OTC: variants seen among roughly 807,000 people sequenced by gnomAD.
The protein encoded by OTC is ornithine transcarbamylase, mitochondrial.
In OTC, 3 loss-of-function variants were observed where a neutral mutation model predicts 30.3. The ratio of observed to expected loss-of-function variants is 0.10; its 90% CI spans 0.05 to 0.26. The LOEUF is 0.26. OTC is among the 10% of genes least tolerant of loss of function. The pLI is 1.00. For synonymous variants in OTC, 111 were observed against 99.7 expected, an observed-to-expected ratio of 1.11 and a Z score of -0.67; for missense variants, 194 against 260.3, an observed-to-expected ratio of 0.75 and a Z score of 1.75.
intron 1 of OTC, among the ~76,000 whole-genome samples, chrX:38,363,962 C>T (rs915763889): frequency 1.6e-4 from 18 of 109,919 alleles, no homozygotes; most frequent in Admixed American, 3.9e-4. Context: ...CCTGTCTCTA[C>T]CAAAAATACA....
At chrX:38,343,537 A>T in the OTC span, among the ~76,000 whole-genome samples, 1 of 111,803 alleles carries the variant, frequency 8.9e-6, no homozygotes, top group African/African-American at 3.3e-5. Flanking sequence ...AACCATATTT[A>T]TTTACCCCTT....
chrX:38,393,934 T>C (rs745467270), intron 4 of OTC, among the ~76,000 whole-genome samples: 3 of 111,688 alleles, frequency 2.7e-5, no homozygotes, highest in African/African-American at 9.8e-5. Context: ...TTTTTCCATC[T>C]TCAAACCTAG....
In OTC at chrX:38,367,286, T is replaced by C; in HGVS notation, c.78-5T>C. 8.3e-7 allele frequency: 1 copy of C among 1,203,551 alleles called. No homozygotes were observed. Among genetic ancestry groups the C allele is most frequent in the Non-Finnish European group, 1.1e-6 (1 of 888,036 alleles). ...TATTTCTCCCTTTTAAATCTCTTTT[T>C]ACAGGTGTGGACAACCACTACAAAA... is the stretch of plus-strand genomic sequence containing the variant. On this transcript the variant is annotated splice_region_variant and splice_polypyrimidine_tract_variant and intron_variant, in intron 1 of 9. Coordinates refer to ENST00000039007, the MANE Select transcript of OTC (RefSeq NM_000531.6).
upstream of OTC, among the ~76,000 whole-genome samples, chrX:38,352,104 G>T (rs748769095): frequency 1.8e-5 from 2 of 112,478 alleles, no homozygotes; most frequent in South Asian, 7.3e-4. Context: ...AGGCACAAAG[G>T]GAGCTCCAGG....
chrX:38,340,300 G>T, the OTC span, among the ~76,000 whole-genome samples: 1 of 111,057 alleles, frequency 9.0e-6, no homozygotes, highest in East Asian at 2.8e-4. Context: ...GAAATAAGTG[G>T]GTTTCCAGGA....
intron 6 of OTC, among the ~76,000 whole-genome samples, chrX:38,408,322 C>G (rs2068525419): frequency 9.0e-6 from 1 of 111,366 alleles, no homozygotes; most frequent in Non-Finnish European, 1.9e-5. Flanking sequence ...CAACTGAGAC[C>G]TGAAAAAGTT....
Position 38,421,238 on chromosome X carries a change from A to G in OTC, c.*156A>G. ...GCTTTGCCATTGTGAAACTTTCCTT[A>G]AGCCTTTAATTTAAGTGCTGATGCA... On this transcript the variant is annotated 3_prime_UTR_variant, in exon 10 of 10. Coordinates refer to ENST00000039007, the MANE Select transcript of OTC (RefSeq NM_000531.6). 2.1e-6 allele frequency: 1 copy of G among 474,124 alleles called. No individual in the cohort carries two copies. The highest frequency in any genetic ancestry group is 3.8e-6 in the Non-Finnish European group (1 of 265,973). 39.1% of individuals were successfully genotyped at this position (474,124 alleles called of 1,213,427 possible).
At chrX:38,345,544 A>ATTT in the OTC span, among the ~76,000 whole-genome samples, 5 of 99,726 alleles carry the variant, frequency 5.0e-5, no homozygotes, top group African/African-American at 1.8e-4. Flanking sequence ...CCTAAACCAT[A>ATTT]TTTTTTTTTT....
intron 3 of OTC, among the ~76,000 whole-genome samples, chrX:38,371,300 T>C (rs1426308134): frequency 9.0e-6 from 1 of 111,177 alleles, no homozygotes; most frequent in East Asian, 2.8e-4. Flanking sequence ...CAAGCTATTA[T>C]CTCTGCAGTT....
At chrX:38,334,534 T>C in the OTC span, among the ~76,000 whole-genome samples, 5 of 111,402 alleles carry the variant, frequency 4.5e-5, no homozygotes, top group Non-Finnish European at 9.4e-5. Context: ...AGTCAGAAGA[T>C]TGAGGAATGA....
upstream of OTC, among the ~76,000 whole-genome samples, chrX:38,347,924 G>A (rs1272901000): frequency 2.7e-5 from 3 of 111,315 alleles, no homozygotes; most frequent in African/African-American, 9.8e-5. Flanking sequence ...ATTTCACTAG[G>A]GAAGCACACT....
At chrX:38,343,239 T>C in the OTC span, among the ~76,000 whole-genome samples, 1 of 110,982 alleles carries the variant, frequency 9.0e-6, no homozygotes, top group Non-Finnish European at 1.9e-5. Flanking sequence ...GTCCTGGGAG[T>C]GTCTGGTAGT....
chrX:38,364,119 C>T (rs2068284118), intron 1 of OTC, among the ~76,000 whole-genome samples: 1 of 111,397 alleles, frequency 9.0e-6, no homozygotes, highest in Non-Finnish European at 1.9e-5. Context: ...GAGTGAAACT[C>T]CATCTGAAAA....
chrX:38,333,987 A>G, the OTC span, among the ~76,000 whole-genome samples: 1 of 112,459 alleles, frequency 8.9e-6, no homozygotes, highest in African/African-American at 3.2e-5. Flanking sequence ...AAGAAACAGA[A>G]GGCAGGTACA....
chrX:38,408,259 G>A (rs1419746540), intron 6 of OTC, among the ~76,000 whole-genome samples: 4 of 111,999 alleles, frequency 3.6e-5, no homozygotes, highest in African/African-American at 1.3e-4. Flanking sequence ...AGGGGGAGCT[G>A]TTAGTATTTA....
chrX:38,332,504 TTATATATATATATA>T, the OTC span, among the ~76,000 whole-genome samples: 6 of 39,359 alleles, frequency 1.5e-4, 1 homozygote, highest in East Asian at 1.7e-3. Flanking sequence ...GCCCTAGATT[TTATATATATATATA>T]TATATATATA....
chrX:38,410,912 A>T (rs2068539391), intron 8 of OTC, among the ~76,000 whole-genome samples: 1 of 112,050 alleles, frequency 8.9e-6, no homozygotes, highest in Admixed American at 9.5e-5. Flanking sequence ...CAAAGGCAGT[A>T]ATTTTGAGGT....
Position 38,384,200 on chromosome X carries a change from G to C in OTC, c.386+2771G>C. On this transcript the variant is annotated intron_variant, in intron 4 of 9. Coordinates refer to ENST00000039007, the MANE Select transcript of OTC (RefSeq NM_000531.6). ...TTACCTCCATGGTCTCAATGTGGGA[G>C]AATTGCAGAAGGCTGTGCCATGAGA... Among the ~76,000 whole-genome samples, 3 of 111,918 alleles carry C rather than the reference G, an allele frequency of 2.7e-5. No individual in the cohort carries two copies. The South Asian group carries it at 1.1e-3, about 42-fold the overall frequency.
At chrX:38,383,756 C>T (rs1298213624) in intron 4 of OTC, among the ~76,000 whole-genome samples, 1 of 108,555 alleles carries the variant, frequency 9.2e-6, no homozygotes, top group East Asian at 2.9e-4. Context: ...CGAGATAGCG[C>T]CATTGCACTC....
Sources: allele counts gnomAD v4.1 joint callset (sites outside exome capture counted in the v4.1 genomes callset), GRCh38; gene constraint gnomAD v4.1.1; transcripts MANE v1.5; gene names NCBI Gene and HGNC (gene_info 2026-07-23, HGNC 2026-07-21).